Variants in UTRN observed in about 807,000 individuals in gnomAD.
UTRN encodes utrophin.
UTRN carries 283 observed loss-of-function variants against 463.9 expected under a neutral mutation model. That is an observed-to-expected ratio of 0.61 (90% confidence interval 0.55 to 0.67). UTRN has a LOEUF of 0.67. Ranked by LOEUF, UTRN falls within the 30% of genes least tolerant of loss-of-function variation. UTRN has a pLI of 0.00. For synonymous variants in UTRN, 1,442 were observed against 1,431.5 expected, an observed-to-expected ratio of 1.01 and a Z score of -0.17; for missense variants, 3,922 against 4,084.3, an observed-to-expected ratio of 0.96 and a Z score of 1.08.
intron 23 of UTRN, among the ~76,000 whole-genome samples, chr6:144,469,039 A>G (rs974621808): frequency 6.6e-6 from 1 of 152,176 alleles, no homozygotes; most frequent in African/African-American, 2.4e-5. Context: ...TGCTGCTGCC[A>G]GGCACTTCTA....
intron 2 of UTRN, among the ~76,000 whole-genome samples, chr6:144,374,283 T>C (rs1780249863): frequency 6.6e-6 from 1 of 152,112 alleles, no homozygotes; most frequent in Non-Finnish European, 1.5e-5. Flanking sequence ...CTTACAAAAA[T>C]ATGTATAACA....
intron 2 of UTRN, among the ~76,000 whole-genome samples, chr6:144,377,495 C>A (rs914432957): frequency 1.3e-5 from 2 of 152,118 alleles, no homozygotes; most frequent in African/African-American, 4.8e-5. Flanking sequence ...ATATACATAA[C>A]CCTATATGAT....
At chr6:144,799,254 A>G in intron 64 of UTRN, 1 of 338,590 alleles carries the variant, frequency 3.0e-6, no homozygotes, top group Non-Finnish European at 6.0e-6. Context: ...TGGCTAACAT[A>G]AGAAATGAAA....
At chr6:144,483,486 A>G (rs6570635) in intron 27 of UTRN, among the ~76,000 whole-genome samples, 49,604 of 152,058 alleles carry the variant, frequency 0.33, 9,407 homozygotes, top group African/African-American at 0.53. Flanking sequence ...TCTGTCACCT[A>G]TGCTGGAGTG....
intron 54 of UTRN, among the ~76,000 whole-genome samples, chr6:144,741,673 G>A (rs1178070371): frequency 1.3e-5 from 2 of 152,152 alleles, no homozygotes; most frequent in African/African-American, 4.8e-5. Flanking sequence ...CTACTTGGAG[G>A]AAATTCAGGG....
At chr6:144,311,419 A>G (rs1021596066) in intron 2 of UTRN, among the ~76,000 whole-genome samples, 2 of 152,192 alleles carry the variant, frequency 1.3e-5, no homozygotes, top group African/African-American at 4.8e-5. Context: ...TTTGAAAATC[A>G]CTGCTTTAAT....
At position 144,703,492 on chromosome 6, in the gene UTRN, A is replaced by T. The variant is rs191428172; in HGVS notation, c.7809+3249A>T. ...TATGTGATTGTACCAAGGGAAAAAA[A>T]ATATTCTAAGAAATGAGCCCTGAGG... On this transcript the variant is annotated intron_variant, in intron 53 of 74. Transcript: ENST00000367545. Among the ~76,000 whole-genome samples, 5 of 152,288 alleles carry T rather than the reference A, an allele frequency of 3.3e-5. No homozygotes were observed. The East Asian group carries it at 9.6e-4, about 29-fold the overall frequency.
chr6:144,759,672 G>A (rs1444571835), intron 58 of UTRN, among the ~76,000 whole-genome samples: 1 of 152,086 alleles, frequency 6.6e-6, no homozygotes. Context: ...AAAGTGGCAG[G>A]GGAGGCAGAG....
At chr6:144,449,452 C>T (rs1788030043) in intron 17 of UTRN, among the ~76,000 whole-genome samples, 1 of 152,118 alleles carries the variant, frequency 6.6e-6, no homozygotes, top group African/African-American at 2.4e-5. Flanking sequence ...CTGTGACCTG[C>T]GATCATTGCA....
chr6:144,718,363 A>G (rs1003189339), intron 53 of UTRN, among the ~76,000 whole-genome samples: 3 of 152,172 alleles, frequency 2.0e-5, no homozygotes, highest in African/African-American at 7.2e-5. Context: ...TTAGCTACTT[A>G]AGAGGCTGAG....
intron 51 of UTRN, among the ~76,000 whole-genome samples, chr6:144,634,049 C>T (rs1776833562): frequency 6.6e-6 from 1 of 152,236 alleles, no homozygotes; most frequent in Non-Finnish European, 1.5e-5. Flanking sequence ...CCCAGGGGAA[C>T]TCCTATTGTT....
chr6:144,613,786 AC>A (rs1199043484), intron 51 of UTRN, among the ~76,000 whole-genome samples: 2 of 152,002 alleles, frequency 1.3e-5, no homozygotes, highest in East Asian at 1.9e-4. Flanking sequence ...CTGACAAGAA[AC>A]CCCTCCCCAA....
intron 12 of UTRN, among the ~76,000 whole-genome samples, chr6:144,439,853 A>G (rs572543442): frequency 6.6e-6 from 1 of 152,304 alleles, no homozygotes; most frequent in Non-Finnish European, 1.5e-5. Context: ...TCCCATGGAA[A>G]AGGCGAGAGA....
At chr6:144,471,753 T>A (rs1562452183) in intron 23 of UTRN, among the ~76,000 whole-genome samples, 1 of 152,122 alleles carries the variant, frequency 6.6e-6, no homozygotes. Context: ...GGAAGCAGCT[T>A]GGGGAAAGTG....
chr6:144,587,524 A>G (rs746766182), intron 51 of UTRN, among the ~76,000 whole-genome samples: 3 of 152,172 alleles, frequency 2.0e-5, no homozygotes, highest in Non-Finnish European at 2.9e-5. Flanking sequence ...GTAAGGTCAC[A>G]TATTATTTTT....
At chr6:144,466,084 A>G (rs1308367676) in intron 23 of UTRN, among the ~76,000 whole-genome samples, 2 of 152,248 alleles carry the variant, frequency 1.3e-5, no homozygotes, top group Admixed American at 1.3e-4. Context: ...AAGTTAGACA[A>G]GAACAATTGA....
chr6:144,745,121 G>A (rs1032562816), intron 54 of UTRN, among the ~76,000 whole-genome samples: 5 of 152,042 alleles, frequency 3.3e-5, no homozygotes, highest in Non-Finnish European at 7.4e-5. Flanking sequence ...ACATGACACC[G>A]GGGTTCTTCA....
chr6:144,727,525 A>T (rs1788002164), intron 53 of UTRN, among the ~76,000 whole-genome samples: 1 of 152,172 alleles, frequency 6.6e-6, no homozygotes, highest in Non-Finnish European at 1.5e-5. Context: ...TTGGGAGGCC[A>T]AGGCGGGCGG....
chr6:144,396,191 C>T (rs1442680970), intron 2 of UTRN, among the ~76,000 whole-genome samples: 2 of 151,930 alleles, frequency 1.3e-5, no homozygotes, highest in Non-Finnish European at 2.9e-5. Context: ...TATTTTTTAC[C>T]CTTATAAAAG....
Sources: gnomAD v4.1 joint callset for allele counts (sites outside exome capture counted in the v4.1 genomes callset) on GRCh38, gnomAD v4.1.1 for gene constraint, MANE v1.5 for transcripts, NCBI Gene and HGNC (gene_info 2026-07-23, HGNC 2026-07-21) for gene names.